Variants in ARMH4 observed in about 807,000 individuals in gnomAD.
The protein encoded by ARMH4 is armadillo like helical domain containing 4, also known as armadillo-like helical domain-containing protein 4.
ARMH4 carries 49 observed loss-of-function variants against 61.9 expected under a neutral mutation model. The ratio of observed to expected loss-of-function variants is 0.79; its 90% CI spans 0.63 to 1.00. ARMH4 has a LOEUF of 1.00. Among genes scored for constraint, ARMH4 ranks in the 50% least tolerant of loss-of-function variants. The pLI, the probability that ARMH4 is intolerant of heterozygous loss-of-function variation, is 0.00. For synonymous variants in ARMH4, 368 were observed against 341.5 expected (o/e 1.08, Z -0.85); for missense variants, 934 against 930.0 (o/e 1.00, Z -0.06).
Position 58,004,504 on chromosome 14 carries a change from C to A in ARMH4, c.*232G>T, listed in dbSNP as rs545492091. ...TTGCATATTTATGAGTTGTAGCCCA[C>A]GGTTGTGGAAAATTCACTACAGAAT... On this transcript the variant is annotated 3_prime_UTR_variant, in exon 8 of 8. Transcript: ENST00000267485. The A allele has an allele frequency of 2.6e-6, 1 of 384,596 alleles. No individual in the cohort carries two copies. Among genetic ancestry groups the A allele is most frequent in the African/African-American group, 2.0e-5 (1 of 49,070 alleles). The allele number at this position is 384,596 out of a possible 1,614,324, so 23.8% of individuals were successfully genotyped here.
At chr14:58,041,745 G>A (rs550587653) in intron 5 of ARMH4, among the ~76,000 whole-genome samples, 1 of 152,220 alleles carries the variant, frequency 6.6e-6, no homozygotes, top group Non-Finnish European at 1.5e-5. Flanking sequence ...AAGGGATGGA[G>A]GAAGATCTAC....
At chr14:58,148,664 G>A (rs866282145) in intron 1 of ARMH4, among the ~76,000 whole-genome samples, 2 of 152,026 alleles carry the variant, frequency 1.3e-5, no homozygotes, top group Admixed American at 6.6e-5. Flanking sequence ...GAAAAAGAAC[G>A]TTTCAAGTCC....
rs572813404 is a variant in ARMH4, at chr14:58,054,533, T to C, written c.2089+42191A>G. 2.6e-4 allele frequency among the ~76,000 whole-genome samples: 40 copies of C among 152,302 alleles called. 1 individual carries two copies. The South Asian group carries it at 8.3e-3, about 32-fold the overall frequency. On this transcript the variant is annotated intron_variant, in intron 5 of 7. Coordinates refer to ENST00000267485, the MANE Select transcript of ARMH4 (RefSeq NM_001001872.4). ...CCAGTGAAACCACCAAGGCCTGCAG[T>C]AGTACATACAATTTGTATGTGATGG...
intron 5 of ARMH4, among the ~76,000 whole-genome samples, chr14:58,053,803 G>A (rs891266661): frequency 6.6e-6 from 1 of 152,148 alleles, no homozygotes; most frequent in Non-Finnish European, 1.5e-5. Context: ...ACTTTTGTTA[G>A]TGGAGAATGT....
At chr14:58,032,790 C>T (rs911235362) in intron 5 of ARMH4, among the ~76,000 whole-genome samples, 8 of 152,258 alleles carry the variant, frequency 5.3e-5, no homozygotes, top group South Asian at 2.1e-4. Flanking sequence ...AAAGAGGTGA[C>T]GGACGCACCT....
intron 5 of ARMH4, among the ~76,000 whole-genome samples, chr14:58,059,276 T>C (rs1697794380): frequency 6.6e-6 from 1 of 152,166 alleles, no homozygotes; most frequent in Non-Finnish European, 1.5e-5. Context: ...CCTTCGGGTG[T>C]TGTATGTTTC....
intron 5 of ARMH4, among the ~76,000 whole-genome samples, chr14:58,051,147 T>C (rs1381636994): frequency 6.6e-6 from 1 of 151,488 alleles, no homozygotes; most frequent in Non-Finnish European, 1.5e-5. Context: ...TTTGTTCTTA[T>C]GTTCTTGCCA....
rs528637226 is a variant in ARMH4, at chr14:58,120,592, G to A, written c.1831+10920C>T. Among the ~76,000 whole-genome samples the A allele has an allele frequency of 1.2e-4, 19 of 152,278 alleles. 1 individual carries two copies. Among genetic ancestry groups the A allele is most frequent in the East Asian group, 7.7e-4 (4 of 5,186 alleles). On this transcript the variant is annotated intron_variant, in intron 4 of 7. Transcript: ENST00000267485. ...GTAACCATGGCCCATGACACAGCCC[G>A]CAGGAGGTTGTGAGAACATGTGCCC...
chr14:58,127,211 G>A (rs768752583), intron 4 of ARMH4, among the ~76,000 whole-genome samples: 4 of 152,148 alleles, frequency 2.6e-5, no homozygotes, highest in African/African-American at 4.8e-5. Flanking sequence ...AATATGGTTT[G>A]GTTGTGTCCC....
intron 5 of ARMH4, among the ~76,000 whole-genome samples, chr14:58,091,468 T>C (rs147664926): frequency 3.3e-5 from 5 of 152,302 alleles, no homozygotes; most frequent in African/African-American, 1.2e-4. Context: ...GGGAAAAAAA[T>C]GTATTTCTTC....
At chr14:58,015,866 C>T (rs1224353672) in intron 5 of ARMH4, among the ~76,000 whole-genome samples, 1 of 143,692 alleles carries the variant, frequency 7.0e-6, no homozygotes, top group East Asian at 2.1e-4. Flanking sequence ...GGTAACATAG[C>T]GAGACTCCTG....
chr14:58,122,978 A>G (rs1383229189), intron 4 of ARMH4, among the ~76,000 whole-genome samples: 1 of 152,048 alleles, frequency 6.6e-6, no homozygotes, highest in Non-Finnish European at 1.5e-5. Context: ...CCAGGAGGTT[A>G]ACTGTCTCCT....
chr14:58,025,247 C>T (rs938467658), intron 5 of ARMH4, among the ~76,000 whole-genome samples: 7 of 152,164 alleles, frequency 4.6e-5, no homozygotes, highest in African/African-American at 1.7e-4. Flanking sequence ...GAAGCCATCT[C>T]TGTTTATCTA....
intron 5 of ARMH4, among the ~76,000 whole-genome samples, chr14:58,090,948 G>GCT (rs1566575385): frequency 6.6e-6 from 1 of 151,234 alleles, no homozygotes; most frequent in African/African-American, 2.4e-5. Flanking sequence ...AGGCACAGTA[G>GCT]CTCATGCCTG....
At chr14:58,092,394 G>A (rs1885598460) in intron 5 of ARMH4, among the ~76,000 whole-genome samples, 1 of 152,186 alleles carries the variant, frequency 6.6e-6, no homozygotes, top group Non-Finnish European at 1.5e-5. Flanking sequence ...CTGCCATGAG[G>A]CTCTGCTTTC....
chr14:58,151,563 A>T (rs926600917), intron 1 of ARMH4, among the ~76,000 whole-genome samples: 2 of 152,182 alleles, frequency 1.3e-5, no homozygotes, highest in African/African-American at 2.4e-5. Flanking sequence ...GCAAAGTGGC[A>T]GGACATATTT....
At chr14:58,066,811 C>T (rs1485078664) in intron 5 of ARMH4, among the ~76,000 whole-genome samples, 1 of 152,134 alleles carries the variant, frequency 6.6e-6, no homozygotes, top group African/African-American at 2.4e-5. Context: ...TAAGTATATA[C>T]ACTAACCGCA....
chr14:58,128,770 C>A (rs1372220700), intron 4 of ARMH4, among the ~76,000 whole-genome samples: 1 of 152,180 alleles, frequency 6.6e-6, no homozygotes, highest in Non-Finnish European at 1.5e-5. Context: ...CAGAAGCAGA[C>A]CCCTGTTACA....
intron 4 of ARMH4, among the ~76,000 whole-genome samples, chr14:58,126,805 T>TC (rs1566592532): frequency 2.0e-5 from 3 of 150,746 alleles, no homozygotes; most frequent in Admixed American, 6.6e-5. Flanking sequence ...CCATTGGATT[T>TC]TTTTTTTTTT....
Sources: allele counts gnomAD v4.1 joint callset (sites outside exome capture counted in the v4.1 genomes callset), GRCh38; gene constraint gnomAD v4.1.1; transcripts MANE v1.5; gene names NCBI Gene and HGNC (gene_info 2026-07-23, HGNC 2026-07-21).